Variants in SYN3 observed in about 807,000 individuals in gnomAD.
The protein encoded by SYN3 is synapsin-3.
SYN3 carries 35 observed loss-of-function variants against 65.8 expected under a neutral mutation model. That is an observed-to-expected ratio of 0.53 (90% CI 0.41 to 0.70). SYN3 has a LOEUF of 0.70. Ranked by LOEUF, SYN3 falls within the 30% of genes least tolerant of loss-of-function variation. The pLI, the probability that SYN3 is intolerant of heterozygous loss-of-function variation, is 0.00. For synonymous variants in SYN3, 270 were observed against 292.9 expected (o/e 0.92, Z 0.80); for missense variants, 680 against 749.0 (o/e 0.91, Z 1.08).
At chr22:32,808,475 C>T (rs936696926) in intron 6 of SYN3, among the ~76,000 whole-genome samples, 3 of 152,136 alleles carry the variant, frequency 2.0e-5, no homozygotes, top group African/African-American at 7.2e-5. Flanking sequence ...AGCTAGAAGG[C>T]CTGGTTTAGG....
chr22:32,991,199 A>G (rs2052703188), intron 2 of SYN3, among the ~76,000 whole-genome samples: 1 of 151,254 alleles, frequency 6.6e-6, no homozygotes, highest in African/African-American at 2.4e-5. Flanking sequence ...AGAAAAAAAA[A>G]AATTAGCCGG....
intron 4 of SYN3, among the ~76,000 whole-genome samples, chr22:32,905,559 A>C (rs1042385527): frequency 6.6e-6 from 1 of 152,238 alleles, no homozygotes; most frequent in African/African-American, 2.4e-5. Context: ...TTTTGCTTTC[A>C]CACTGCATTT....
intron 2 of SYN3, among the ~76,000 whole-genome samples, chr22:33,003,149 T>C (rs1477920253): frequency 6.6e-6 from 1 of 152,162 alleles, no homozygotes; most frequent in Non-Finnish European, 1.5e-5. Flanking sequence ...CCTTTATAAA[T>C]TACCCAGTCT....
At chr22:33,057,520 C>G (rs1449406135) in intron 1 of SYN3, 1 of 152,602 alleles carries the variant, frequency 6.6e-6, no homozygotes, top group Non-Finnish European at 1.5e-5. Flanking sequence ...CCTCCGACTT[C>G]CAGTCAATGC....
At chr22:32,868,865 T>G (rs1463121735) in intron 5 of SYN3, 101 bp downstream of exon 5, 2 of 1,102,834 alleles carry the variant, frequency 1.8e-6, no homozygotes, top group Non-Finnish European at 2.5e-6. Context: ...ATAAGAATTT[T>G]TACTACTGAG....
intron 4 of SYN3, among the ~76,000 whole-genome samples, chr22:32,921,569 C>T (rs1192559357): frequency 6.6e-5 from 10 of 152,248 alleles, no homozygotes; most frequent in African/African-American, 1.2e-4. Context: ...GAAATTCACT[C>T]GGTATAGAAT....
chr22:32,836,037 T>C (rs1250226822), intron 6 of SYN3, among the ~76,000 whole-genome samples: 1 of 152,234 alleles, frequency 6.6e-6, no homozygotes, highest in Non-Finnish European at 1.5e-5. Context: ...AAATATTTAG[T>C]AGTAGAAAGA....
chr22:32,759,777 C>T (rs145524868), intron 6 of SYN3, among the ~76,000 whole-genome samples: 1,079 of 97,446 alleles, frequency 0.011, 80 homozygotes, highest in Middle Eastern at 0.063. Context: ...TCAGCACCCA[C>T]GGCACCCCCA....
chr22:32,563,837 T>A (rs1245272624), intron 7 of SYN3, among the ~76,000 whole-genome samples: 2 of 152,046 alleles, frequency 1.3e-5, no homozygotes, highest in East Asian at 3.9e-4. Context: ...GCCTGGCTAA[T>A]TTTGTATTTT....
chr22:32,824,923 C>T (rs1311921286), intron 6 of SYN3, among the ~76,000 whole-genome samples: 1 of 152,164 alleles, frequency 6.6e-6, no homozygotes, highest in Non-Finnish European at 1.5e-5. Flanking sequence ...CAGAAAGGGA[C>T]CTTGTTTGGG....
At chr22:32,826,396 T>A (rs2047413737) in intron 6 of SYN3, among the ~76,000 whole-genome samples, 1 of 152,120 alleles carries the variant, frequency 6.6e-6, no homozygotes, top group Non-Finnish European at 1.5e-5. Flanking sequence ...GTCACTGCAC[T>A]ATAGCTTGGG....
chr22:32,707,252 T>C (rs2060892513), intron 6 of SYN3, among the ~76,000 whole-genome samples: 1 of 152,214 alleles, frequency 6.6e-6, no homozygotes, highest in Non-Finnish European at 1.5e-5. Context: ...GATGTGGACA[T>C]GTTTCCTAGC....
intron 6 of SYN3, among the ~76,000 whole-genome samples, chr22:32,783,676 C>T (rs2145844308): frequency 6.6e-6 from 1 of 152,302 alleles, no homozygotes; most frequent in South Asian, 2.1e-4. Context: ...CTCTCTCCTG[C>T]TAGGAGTTTG....
chr22:32,968,842 C>A (rs2051927761), intron 3 of SYN3, among the ~76,000 whole-genome samples: 1 of 145,294 alleles, frequency 6.9e-6, no homozygotes, highest in African/African-American at 2.4e-5. Flanking sequence ...ATCTTCCCAC[C>A]AGATAAAGAA....
intron 6 of SYN3, among the ~76,000 whole-genome samples, chr22:32,754,726 C>T (rs116551399): frequency 6.6e-6 from 1 of 152,214 alleles, no homozygotes; most frequent in Non-Finnish European, 1.5e-5. Context: ...CACCTTGATG[C>T]CTTTGCTCCT....
chr22:32,580,887 C>T (rs546137392), intron 7 of SYN3, among the ~76,000 whole-genome samples: 1 of 152,256 alleles, frequency 6.6e-6, no homozygotes, highest in Non-Finnish European at 1.5e-5. Context: ...ATTGATATCA[C>T]CTGGGAGCTT....
At chr22:32,936,172 T>C (rs531884753) in intron 3 of SYN3, among the ~76,000 whole-genome samples, 18 of 152,316 alleles carry the variant, frequency 1.2e-4, no homozygotes, top group Middle Eastern at 3.4e-3. Flanking sequence ...ATGGCAACAA[T>C]GAAGTACCAG....
In SYN3 at chr22:32,508,254, A is replaced by G. The variant is rs62232668; in HGVS notation, c.*5438T>C. On this transcript the variant is annotated 3_prime_UTR_variant, in exon 14 of 14. Coordinates refer to ENST00000358763, the MANE Select transcript of SYN3 (RefSeq NM_003490.4). ...ACCTTAACTGAGTGATTAACCCTGT[A>G]AATTTCCTTCTTCTGGCTCAGAAGC... is the stretch of plus-strand genomic sequence containing the variant. Among the ~76,000 whole-genome samples the G allele has an allele frequency of 0.14, 21,699 of 152,080 alleles. 2,083 individuals are homozygous for G. The highest frequency in any genetic ancestry group is 0.22 in the Non-Finnish European group (15,219 of 67,952).
At chr22:32,784,450 G>A (rs771547592) in intron 6 of SYN3, among the ~76,000 whole-genome samples, 2 of 152,202 alleles carry the variant, frequency 1.3e-5, no homozygotes, top group South Asian at 4.1e-4. Flanking sequence ...CAGCCAGGTA[G>A]AAACTGAGGA....
Sources: gnomAD v4.1 joint callset for allele counts (sites outside exome capture counted in the v4.1 genomes callset) on GRCh38, gnomAD v4.1.1 for gene constraint, MANE v1.5 for transcripts, NCBI Gene and HGNC (gene_info 2026-07-23, HGNC 2026-07-21) for gene names.